Variants in ANKS1B observed in about 807,000 individuals in gnomAD.
The protein encoded by ANKS1B is ankyrin repeat and sterile alpha motif domain containing 1B.
A neutral mutation model predicts 148.3 loss-of-function variants in ANKS1B; 36 were observed. The ratio of observed to expected loss-of-function variants is 0.24; its 90% CI spans 0.19 to 0.32. The LOEUF (loss-of-function observed/expected upper bound fraction) is 0.32, where lower values mean the gene tolerates loss of function less well. ANKS1B is among the 10% of genes least tolerant of loss of function. The probability of loss-of-function intolerance (pLI) is 1.00; values close to 1 mark genes in which losing one functional copy is unlikely to be tolerated. For missense variants in ANKS1B, 1,157 were observed against 1,542.6 expected (o/e 0.75, Z 4.19); for synonymous variants, 542 against 560.8 (o/e 0.97, Z 0.47).
intron 10 of ANKS1B, among the ~76,000 whole-genome samples, chr12:99,470,115 T>TAAG (rs1460775457): frequency 7.8e-6 from 1 of 128,536 alleles, no homozygotes; most frequent in Non-Finnish European, 1.6e-5. Flanking sequence ...ACTCTGTCTC[T>TAAG]AATAATAATA....
chr12:99,309,694 C>T (rs2082877791), intron 12 of ANKS1B, among the ~76,000 whole-genome samples: 2 of 152,014 alleles, frequency 1.3e-5, no homozygotes, highest in Non-Finnish European at 1.5e-5. Flanking sequence ...TATTTCAGGA[C>T]AATCACTGAA....
chr12:99,492,184 G>T (rs945132619), intron 10 of ANKS1B, among the ~76,000 whole-genome samples: 4 of 143,876 alleles, frequency 2.8e-5, no homozygotes, highest in Non-Finnish European at 6.1e-5. Flanking sequence ...AAGAGAGAAG[G>T]TCTAAATAAA....
At chr12:99,038,369 A>C (rs12146873) in intron 17 of ANKS1B, among the ~76,000 whole-genome samples, 5,800 of 152,130 alleles carry the variant, frequency 0.038, 147 homozygotes, top group Non-Finnish European at 0.059. Context: ...CACATTCATC[A>C]TCTCTATTTT....
intron 19 of ANKS1B, among the ~76,000 whole-genome samples, chr12:98,816,302 A>ATTTG (rs1355267311): frequency 6.6e-6 from 1 of 152,088 alleles, no homozygotes; most frequent in Non-Finnish European, 1.5e-5. Flanking sequence ...TTATTTATTT[A>ATTTG]TTTGTTTGTT....
intron 17 of ANKS1B, among the ~76,000 whole-genome samples, chr12:98,860,409 G>A (rs10777949): frequency 0.078 from 11,806 of 152,248 alleles, 720 homozygotes; most frequent in East Asian, 0.21. Flanking sequence ...AGCAGGCCTT[G>A]TGCTTACTAA....
chr12:99,536,819 G>A (rs2097073377), intron 9 of ANKS1B, among the ~76,000 whole-genome samples: 1 of 151,990 alleles, frequency 6.6e-6, no homozygotes, highest in South Asian at 2.1e-4. Flanking sequence ...ATTTATTATA[G>A]TCACCCTGTT....
At chr12:99,557,166 T>C (rs917731434) in intron 9 of ANKS1B, among the ~76,000 whole-genome samples, 10 of 152,316 alleles carry the variant, frequency 6.6e-5, no homozygotes, top group Admixed American at 5.9e-4. Context: ...TTGTCTTACA[T>C]AGTATCTCAC....
At chr12:99,814,369 T>C (rs2153669799) in intron 2 of ANKS1B, among the ~76,000 whole-genome samples, 1 of 151,812 alleles carries the variant, frequency 6.6e-6, no homozygotes. Context: ...AGTAAAGCAC[T>C]ATACCAATAA....
chr12:98,908,244 C>G (rs1398518850), intron 17 of ANKS1B, among the ~76,000 whole-genome samples: 1 of 152,156 alleles, frequency 6.6e-6, no homozygotes, highest in Non-Finnish European at 1.5e-5. Flanking sequence ...TATACCAGGC[C>G]TTGCAAAATA....
downstream of ANKS1B, among the ~76,000 whole-genome samples, chr12:98,743,719 C>G (rs1310598858): frequency 6.6e-6 from 1 of 152,192 alleles, no homozygotes; most frequent in Non-Finnish European, 1.5e-5. Context: ...TTTAGAGATG[C>G]CTGTTTTGAC....
intron 17 of ANKS1B, among the ~76,000 whole-genome samples, chr12:98,834,441 G>T (rs1349286689): frequency 6.6e-6 from 1 of 152,182 alleles, no homozygotes; most frequent in Non-Finnish European, 1.5e-5. Context: ...GGAATAACCA[G>T]GGACAAAAGT....
intron 15 of ANKS1B, among the ~76,000 whole-genome samples, chr12:99,104,011 G>A (rs1286393984): frequency 6.6e-6 from 1 of 152,192 alleles, no homozygotes; most frequent in Non-Finnish European, 1.5e-5. Context: ...GAATGAGAGG[G>A]CTTGAATGAC....
chr12:99,839,160 G>A (rs2085308044), intron 1 of ANKS1B, among the ~76,000 whole-genome samples: 1 of 152,112 alleles, frequency 6.6e-6, no homozygotes, highest in South Asian at 2.1e-4. Flanking sequence ...AGGATCACTT[G>A]AGCGTAGGAG....
At chr12:99,465,016 G>T (rs995000695) in intron 10 of ANKS1B, among the ~76,000 whole-genome samples, 1 of 152,174 alleles carries the variant, frequency 6.6e-6, no homozygotes, top group African/African-American at 2.4e-5. Flanking sequence ...TGAAATGAAG[G>T]AAAAAGTGTT....
chr12:98,836,618 A>G (rs964683423), intron 17 of ANKS1B, among the ~76,000 whole-genome samples: 7 of 152,220 alleles, frequency 4.6e-5, no homozygotes, highest in African/African-American at 1.7e-4. Context: ...GGGGTTCCTG[A>G]GTAGTGGAAT....
At chr12:99,610,949 G>C (rs1388423881) in intron 9 of ANKS1B, among the ~76,000 whole-genome samples, 2 of 151,972 alleles carry the variant, frequency 1.3e-5, no homozygotes, top group Admixed American at 1.3e-4. Context: ...TACCTCAAAA[G>C]TCCCCAAAGG....
intron 9 of ANKS1B, among the ~76,000 whole-genome samples, chr12:99,545,929 T>C (rs140759639): frequency 6.6e-6 from 1 of 152,076 alleles, no homozygotes; most frequent in African/African-American, 2.4e-5. Flanking sequence ...GTCACATGGG[T>C]TCACTTTACC....
chr12:99,560,807 ATTGGGG>A (rs1181396183), intron 9 of ANKS1B, among the ~76,000 whole-genome samples: 6 of 140,634 alleles, frequency 4.3e-5, no homozygotes, highest in Non-Finnish European at 9.2e-5. Context: ...GTTGCTGAAG[ATTGGGG>A]TTGCAATGGC....
intron 1 of ANKS1B, among the ~76,000 whole-genome samples, chr12:99,845,121 A>C (rs547739450): frequency 1.3e-5 from 2 of 152,152 alleles, no homozygotes; most frequent in African/African-American, 4.8e-5. Flanking sequence ...TCAGCTTAAG[A>C]AGCTTTTGGG....
Sources: allele counts gnomAD v4.1 joint callset (sites outside exome capture counted in the v4.1 genomes callset), GRCh38; gene constraint gnomAD v4.1.1; transcripts MANE v1.5; gene names NCBI Gene and HGNC (gene_info 2026-07-23, HGNC 2026-07-21).